SESTD1: variants seen among roughly 807,000 people sequenced by gnomAD.
SESTD1 encodes SEC14 and spectrin domain containing 1.
Under a neutral mutation model 101.7 loss-of-function variants are expected in SESTD1, and 43 were observed. The observed-to-expected ratio is 0.42, with a 90% CI of 0.33 to 0.55. The LOEUF is 0.55. Ranked by LOEUF, SESTD1 falls within the 20% of genes least tolerant of loss-of-function variation. The pLI is 0.07. For missense variants in SESTD1, 647 were observed against 815.1 expected (o/e 0.79, Z 2.51); for synonymous variants, 283 against 286.8 (o/e 0.99, Z 0.13).
At chr2:179,236,827 T>C (rs2047076041) in intron 1 of SESTD1, among the ~76,000 whole-genome samples, 1 of 150,916 alleles carries the variant, frequency 6.6e-6, no homozygotes, top group Non-Finnish European at 1.5e-5. Context: ...GGCTTTACAA[T>C]CATGAGTTGG....
chr2:179,113,540 T>C (rs768218687), intron 16 of SESTD1, among the ~76,000 whole-genome samples: 1 of 152,214 alleles, frequency 6.6e-6, no homozygotes, highest in Non-Finnish European at 1.5e-5. Context: ...ATAAAAAGTA[T>C]TCATTTTTAC....
intron 9 of SESTD1, among the ~76,000 whole-genome samples, chr2:179,140,529 T>G (rs1338557468): frequency 1.3e-5 from 2 of 152,282 alleles, no homozygotes; most frequent in South Asian, 2.1e-4. Flanking sequence ...ATCTCAGAAC[T>G]GCAAGAAAAT....
intron 12 of SESTD1, 35 bp from the exon 13 acceptor site, chr2:179,121,964 C>A: frequency 6.4e-7 from 1 of 1,562,332 alleles, no homozygotes. Flanking sequence ...ATCTCTTACA[C>A]AACTAAGGCG....
chr2:179,212,078 T>A (rs375418309), intron 1 of SESTD1, among the ~76,000 whole-genome samples: 1 of 135,140 alleles, frequency 7.4e-6, no homozygotes, highest in Non-Finnish European at 1.6e-5. Flanking sequence ...CCCAGTGTGA[T>A]TGATGCAGAA....
intron 1 of SESTD1, among the ~76,000 whole-genome samples, chr2:179,249,092 A>G (rs2105553624): frequency 6.9e-6 from 1 of 145,908 alleles, no homozygotes; most frequent in African/African-American, 2.6e-5. Flanking sequence ...TCCCGTCTTT[A>G]AGAAAAAAAA....
chr2:179,131,258 G>A (rs1559104521), intron 10 of SESTD1, among the ~76,000 whole-genome samples: 1 of 151,532 alleles, frequency 6.6e-6, no homozygotes, highest in Non-Finnish European at 1.5e-5. Flanking sequence ...ACATTTAGAA[G>A]AAAAATAAGA....
At chr2:179,146,852 T>G (rs1388331078) in intron 7 of SESTD1, among the ~76,000 whole-genome samples, 1 of 152,100 alleles carries the variant, frequency 6.6e-6, no homozygotes, top group African/African-American at 2.4e-5. Flanking sequence ...CAAAACTTTA[T>G]TTACCTACAG....
rs192600425 is a variant in SESTD1 at position 179,195,053 on chromosome 2, G to A, written c.-25-3187C>T. ...GCAAGGACAAGAGACAGGCTTAACT[G>A]CTGGCTGCTTTAGAAGCCTCCAGCC... is the stretch of plus-strand genomic sequence containing the variant. On this transcript the variant is annotated intron_variant, in intron 1 of 17. Coordinates refer to ENST00000428443, the MANE Select transcript of SESTD1 (RefSeq NM_178123.5). 3.0e-3 allele frequency among the ~76,000 whole-genome samples: 457 copies of A among 152,320 alleles called. 5 individuals are homozygous for A. The highest frequency in any genetic ancestry group is 0.011 in the African/African-American group (439 of 41,572).
chr2:179,115,024 T>A (rs1486029070), intron 16 of SESTD1, 41 bp downstream of exon 16: 5 of 1,539,632 alleles, frequency 3.2e-6, no homozygotes, highest in Non-Finnish European at 4.4e-6. Context: ...ACACATATAA[T>A]CAATACCACT....
chr2:179,166,604 G>C (rs1000719790), intron 5 of SESTD1, among the ~76,000 whole-genome samples: 2 of 152,304 alleles, frequency 1.3e-5, no homozygotes, highest in Admixed American at 1.3e-4. Context: ...GGCTGAATAA[G>C]AACAACAGAG....
intron 16 of SESTD1, 63 bp from the exon 17 acceptor site, chr2:179,112,908 TCACCC>T: frequency 1.3e-6 from 2 of 1,517,060 alleles, no homozygotes; most frequent in Non-Finnish European, 1.8e-6. Flanking sequence ...TTTCAGAGGA[TCACCC>T]CACCCCACAA....
chr2:179,112,705 A>AT lies in SESTD1; in HGVS notation c.1961+18dup. 6 of 1,572,560 alleles carry AT rather than the reference A, an allele frequency of 3.8e-6. No individual in the cohort carries two copies. Among genetic ancestry groups the AT allele is most frequent in the Non-Finnish European group, 5.1e-6 (6 of 1,168,448 alleles). ...GACCACACCAATAAAAAATAAAATT[A>AT]TAAGAACATGCCCCATACCCATCAG... On this transcript the variant is annotated intron_variant, in intron 17 of 17. Coordinates refer to ENST00000428443, the MANE Select transcript of SESTD1 (RefSeq NM_178123.5).
intron 4 of SESTD1, chr2:179,174,599 C>CA (rs2045978869): frequency 2.7e-6 from 1 of 371,072 alleles, no homozygotes; most frequent in Admixed American, 4.3e-5. Flanking sequence ...GCTGGAAGCA[C>CA]TTTTTTTTCA....
chr2:179,128,406 A>G (rs1040238988), intron 10 of SESTD1, among the ~76,000 whole-genome samples: 3 of 152,166 alleles, frequency 2.0e-5, no homozygotes, highest in Admixed American at 6.6e-5. Flanking sequence ...ATGTATTTAA[A>G]AAAAGTCATC....
At chr2:179,113,186 A>G (rs1167515160) in intron 16 of SESTD1, among the ~76,000 whole-genome samples, 2 of 152,240 alleles carry the variant, frequency 1.3e-5, no homozygotes, top group African/African-American at 4.8e-5. Context: ...GTATTCTTTC[A>G]TTTATATTAA....
intron 10 of SESTD1, among the ~76,000 whole-genome samples, chr2:179,127,460 G>C (rs961108588): frequency 3.9e-5 from 6 of 152,170 alleles, no homozygotes; most frequent in African/African-American, 7.2e-5. Context: ...ATTGATTGAA[G>C]GTATAAAACA....
intron 2 of SESTD1, among the ~76,000 whole-genome samples, chr2:179,183,419 AAT>A (rs2046153091): frequency 6.6e-6 from 1 of 152,162 alleles, no homozygotes; most frequent in Non-Finnish European, 1.5e-5. Flanking sequence ...AAACATAGCA[AAT>A]ATCACTTTAT....
At chr2:179,120,176 C>T (rs189731175) in intron 13 of SESTD1, among the ~76,000 whole-genome samples, 164 of 152,060 alleles carry the variant, frequency 1.1e-3, no homozygotes, top group Non-Finnish European at 1.9e-3. Context: ...TTGCAGTGAG[C>T]CTTGATCATA....
chr2:179,135,667 C>G (rs187600032), intron 9 of SESTD1, among the ~76,000 whole-genome samples: 1 of 152,108 alleles, frequency 6.6e-6, no homozygotes, highest in South Asian at 2.1e-4. Context: ...ATTGGAGAAT[C>G]GTTTGAGCCT....
Sources: gnomAD v4.1 joint callset for allele counts (sites outside exome capture counted in the v4.1 genomes callset) on GRCh38, gnomAD v4.1.1 for gene constraint, MANE v1.5 for transcripts, NCBI Gene and HGNC (gene_info 2026-07-23, HGNC 2026-07-21) for gene names.